Variants in WDPCP observed in about 807,000 individuals in gnomAD.
WDPCP encodes the protein WD repeat containing planar cell polarity effector, also known as WD repeat-containing and planar cell polarity effector protein fritz homolog.
In WDPCP, 71 loss-of-function variants were observed where a neutral mutation model predicts 93.1. The ratio of observed to expected loss-of-function variants is 0.76; its 90% confidence interval spans 0.63 to 0.93. WDPCP has a LOEUF of 0.93. WDPCP is among the 40% of genes least tolerant of loss of function. WDPCP has a pLI of 0.00. For missense variants in WDPCP, 844 were observed against 887.4 expected (o/e 0.95, Z 0.62); for synonymous variants, 315 against 315.0 (o/e 1.00, Z 0.00).
chr2:63,261,573 T>C (rs1323430092), intron 13 of WDPCP, among the ~76,000 whole-genome samples: 2 of 152,168 alleles, frequency 1.3e-5, no homozygotes, highest in Non-Finnish European at 2.9e-5. Context: ...GCTAAAGATT[T>C]TGATGATAGG....
chr2:63,487,577 G>A, intron 2 of WDPCP, 83 bp from the exon 3 acceptor site: 1 of 1,006,144 alleles, frequency 9.9e-7, no homozygotes, highest in Non-Finnish European at 1.5e-6. Flanking sequence ...ATTAGGGGAA[G>A]GATAGGGAGA....
intron 2 of WDPCP, among the ~76,000 whole-genome samples, chr2:63,723,413 T>G (rs941527362): frequency 6.6e-6 from 1 of 152,192 alleles, no homozygotes; most frequent in African/African-American, 2.4e-5. Context: ...CTCTCTGCCC[T>G]TTTCCCTGGT....
intron 12 of WDPCP, among the ~76,000 whole-genome samples, chr2:63,347,456 T>C (rs1347746623): frequency 6.6e-6 from 1 of 152,212 alleles, no homozygotes; most frequent in Admixed American, 6.6e-5. Context: ...CCATAGCTAC[T>C]CAATTGCATA....
intron 14 of WDPCP, among the ~76,000 whole-genome samples, chr2:63,214,334 A>T (rs567264561): frequency 4.6e-5 from 7 of 152,336 alleles, no homozygotes; most frequent in Non-Finnish European, 8.8e-5. Flanking sequence ...AAATCAATAA[A>T]CATAATCCAT....
At chr2:63,157,865 T>C (rs923496379) in intron 15 of WDPCP, among the ~76,000 whole-genome samples, 3 of 152,144 alleles carry the variant, frequency 2.0e-5, no homozygotes, top group African/African-American at 7.2e-5. Context: ...ACTTCAATGA[T>C]ATATGCTCTT....
At chr2:63,369,514 G>C in intron 12 of WDPCP, 1 of 456,506 alleles carries the variant, frequency 2.2e-6, no homozygotes, top group Non-Finnish European at 4.4e-6. Context: ...GAAAATGAGA[G>C]TAATAAACAA....
chr2:63,278,094 C>T (rs972941271), intron 13 of WDPCP, among the ~76,000 whole-genome samples: 2 of 152,156 alleles, frequency 1.3e-5, no homozygotes, highest in East Asian at 1.9e-4. Flanking sequence ...AATTGGAAAT[C>T]AACTCCAAAA....
At chr2:63,242,940 A>G (rs1679974925) in intron 14 of WDPCP, among the ~76,000 whole-genome samples, 1 of 152,188 alleles carries the variant, frequency 6.6e-6, no homozygotes, top group Admixed American at 6.5e-5. Flanking sequence ...AAAGTAACAC[A>G]ATAGATAAGG....
chr2:63,131,138 C>T (rs1256292795), intron 17 of WDPCP, among the ~76,000 whole-genome samples: 2 of 152,110 alleles, frequency 1.3e-5, no homozygotes, highest in Non-Finnish European at 2.9e-5. Context: ...AAAATCCATT[C>T]AGTCAATATG....
At chr2:63,819,025 C>T (rs925897435) in intron 1 of WDPCP, among the ~76,000 whole-genome samples, 1 of 152,090 alleles carries the variant, frequency 6.6e-6, no homozygotes, top group Admixed American at 6.6e-5. Flanking sequence ...ATAATATACA[C>T]ACATAGATAT....
At chr2:63,215,823 C>G (rs1035988742) in intron 14 of WDPCP, among the ~76,000 whole-genome samples, 43 of 152,020 alleles carry the variant, frequency 2.8e-4, no homozygotes, top group African/African-American at 9.9e-4. Context: ...TGACAAAGGG[C>G]TAATATCCAG....
chr2:63,202,077 T>C (rs969620568), intron 14 of WDPCP, among the ~76,000 whole-genome samples: 13 of 151,954 alleles, frequency 8.6e-5, no homozygotes, highest in Admixed American at 7.2e-4. Flanking sequence ...ATTTCACAGC[T>C]TTTAAGATTT....
intron 1 of WDPCP, among the ~76,000 whole-genome samples, chr2:63,822,560 T>C (rs1671038920): frequency 6.6e-6 from 1 of 152,138 alleles, no homozygotes; most frequent in Non-Finnish European, 1.5e-5. Context: ...TCTTATTTTT[T>C]ACACAGATCT....
At chr2:63,437,693 T>C in intron 7 of WDPCP, 139 bp from the exon 8 acceptor site, 1 of 1,046,844 alleles carries the variant, frequency 9.6e-7, no homozygotes, top group Non-Finnish European at 1.4e-6. Context: ...TTATAGCATT[T>C]TATAAAAATA....
At chr2:63,640,120 T>C (rs1558873025) in intron 3 of WDPCP, among the ~76,000 whole-genome samples, 1 of 152,134 alleles carries the variant, frequency 6.6e-6, no homozygotes, top group South Asian at 2.1e-4. Flanking sequence ...GCCATTCTCC[T>C]GCCTCAGCCT....
intron 1 of WDPCP, among the ~76,000 whole-genome samples, chr2:63,517,037 T>C (rs1383202266): frequency 6.6e-6 from 1 of 152,132 alleles, no homozygotes; most frequent in African/African-American, 2.4e-5. Context: ...CACCACTTCA[T>C]GTCCTCTTTT....
At chr2:63,378,105 A>G in intron 12 of WDPCP, 1 of 410,424 alleles carries the variant, frequency 2.4e-6, no homozygotes, top group Non-Finnish European at 4.5e-6. Flanking sequence ...GAGTAGCACA[A>G]TTCAGTTAAT....
intron 10 of WDPCP, among the ~76,000 whole-genome samples, chr2:63,395,507 T>A (rs1465298583): frequency 6.6e-6 from 1 of 152,186 alleles, no homozygotes; most frequent in Non-Finnish European, 1.5e-5. Flanking sequence ...TTACAGCCAT[T>A]TCACTTAGGA....
intron 3 of WDPCP, chr2:63,642,355 A>G (rs1709990915): frequency 6.6e-6 from 1 of 151,954 alleles, no homozygotes; most frequent in Non-Finnish European, 1.5e-5. Context: ...GAAGAATGCC[A>G]TTAGCATTTT....
Sources: gnomAD v4.1 joint callset for allele counts (sites outside exome capture counted in the v4.1 genomes callset) on GRCh38, gnomAD v4.1.1 for gene constraint, MANE v1.5 for transcripts, NCBI Gene and HGNC (gene_info 2026-07-23, HGNC 2026-07-21) for gene names.